The following TXNRD1 variants were observed in gnomAD, a reference collection of about 807,000 sequenced individuals.
The protein encoded by TXNRD1 is thioredoxin reductase 1, also known as thioredoxin reductase 1, cytoplasmic.
TXNRD1 carries 57 observed loss-of-function variants against 80.3 expected under a neutral mutation model. The ratio of observed to expected loss-of-function variants is 0.71; its 90% confidence interval spans 0.57 to 0.89. The LOEUF is 0.89. TXNRD1 is among the 40% of genes least tolerant of loss of function. The pLI, the probability that TXNRD1 is intolerant of heterozygous loss-of-function variation, is 0.00. For missense variants in TXNRD1, 730 were observed against 803.0 expected (o/e 0.91, Z 1.10); for synonymous variants, 291 against 285.2 (o/e 1.02, Z -0.20).
At chr12:104,337,729 T>G (rs985952205) in intron 15 of TXNRD1, among the ~76,000 whole-genome samples, 3 of 151,988 alleles carry the variant, frequency 2.0e-5, no homozygotes, top group African/African-American at 4.8e-5. Flanking sequence ...TTTCAGACTT[T>G]AATGGTCTTG....
chr12:104,252,726 G>A (rs1489777381), intron 2 of TXNRD1, among the ~76,000 whole-genome samples: 3 of 92,166 alleles, frequency 3.3e-5, no homozygotes, highest in African/African-American at 1.4e-4. Flanking sequence ...TTTTTGAGAC[G>A]GAGTCTCGCT....
chr12:104,327,740 C>A, intron 13 of TXNRD1, 69 bp downstream of exon 13: 3 of 1,525,376 alleles, frequency 2.0e-6, no homozygotes, highest in South Asian at 1.3e-5. Context: ...ATTTAGGGGG[C>A]AGTTGGGAAG....
At chr12:104,267,241 C>CTCTTTCTTTCTTTCTTTCTTTTTTTCTT (rs2033516221) in intron 3 of TXNRD1, among the ~76,000 whole-genome samples, 1 of 85,750 alleles carries the variant, frequency 1.2e-5, no homozygotes, top group Non-Finnish European at 2.1e-5. Context: ...ATTTTCTTTT[C>CTCTTTCTTTCTTTCTTTCTTTTTTTCTT]TCTTTCTTTC....
intron 4 of TXNRD1, chr12:104,290,973 G>A (rs1319108824): frequency 4.6e-6 from 3 of 651,552 alleles, no homozygotes; most frequent in Non-Finnish European, 8.2e-6. Context: ...TTTTTTAATT[G>A]AAAACTTTTT....
At chr12:104,280,806 G>GCCTAT (rs1011356886) in intron 3 of TXNRD1, 1 of 151,978 alleles carries the variant, frequency 6.6e-6, no homozygotes, top group Non-Finnish European at 1.5e-5. Flanking sequence ...TGAATTTCCA[G>GCCTAT]CCTATCAGCC....
chr12:104,230,660 G>A (rs1042685344), intron 1 of TXNRD1, among the ~76,000 whole-genome samples: 1 of 152,070 alleles, frequency 6.6e-6, no homozygotes, highest in African/African-American at 2.4e-5. Flanking sequence ...ATTGGGTTTT[G>A]TTTTGTTTTG....
chr12:104,331,371 C>T (rs2035940470), intron 13 of TXNRD1, among the ~76,000 whole-genome samples, 163 bp from the exon 14 acceptor site: 1 of 152,152 alleles, frequency 6.6e-6, no homozygotes, highest in South Asian at 2.1e-4. Context: ...TAATGGTTCT[C>T]AATGTAGTAG....
intron 16 of TXNRD1, among the ~76,000 whole-genome samples, chr12:104,345,830 G>A (rs1477002158): frequency 6.6e-6 from 1 of 152,184 alleles, no homozygotes; most frequent in Non-Finnish European, 1.5e-5. Flanking sequence ...GCGGCTGGAA[G>A]TGGTGGGGAC....
intron 1 of TXNRD1, among the ~76,000 whole-genome samples, chr12:104,235,333 T>TGTTACAGATTGGGAACGGATGTGC (rs1451120554): frequency 6.6e-6 from 1 of 152,156 alleles, no homozygotes; most frequent in Admixed American, 6.5e-5. Context: ...AGATGTGGGT[T>TGTTACAGATTGGGAACGGATGTGC]GTTACAGATT....
intron 1 of TXNRD1, among the ~76,000 whole-genome samples, chr12:104,246,210 G>C (rs2032989886): frequency 6.7e-6 from 1 of 148,270 alleles, no homozygotes; most frequent in South Asian, 2.1e-4. Flanking sequence ...GGTGGATCAT[G>C]AGGTCAGGAG....
At chr12:104,317,334 A>G (rs915304954) in intron 7 of TXNRD1, among the ~76,000 whole-genome samples, 2 of 150,510 alleles carry the variant, frequency 1.3e-5, no homozygotes, top group African/African-American at 2.4e-5. Flanking sequence ...CTGGTCCTCT[A>G]GAACCATAAC....
chr12:104,326,386 A>G lies in TXNRD1; in HGVS notation c.1348A>G (p.Ile450Val), dbSNP rs746739868. 3 of 1,596,198 alleles carry G rather than the reference A, an allele frequency of 1.9e-6. No individual in the cohort carries two copies. Among genetic ancestry groups the G allele is most frequent in the East Asian group, 4.5e-5 (2 of 44,352 alleles). Reference protein sequence around the residue: ...AIGRDACTRKIGLETVGVKIN... With the variant: ...AIGRDACTRKVGLETVGVKIN... ...AGGAAGAGATGCTTGCACAAGAAAA[A>G]TTGGCTTAGAAACCGTAGGGGTGAA... is the stretch of plus-strand genomic sequence containing the variant. The change falls in exon 12 of 17, where the codon ATT (isoleucine) becomes GTT (valine). Residue 450 changes from isoleucine to valine, a missense_variant. Ile to Val is a conservative substitution (Grantham distance 29). Transcript: ENST00000525566.
chr12:104,224,819 T>C (rs950695352), intron 1 of TXNRD1: 2 of 456,590 alleles, frequency 4.4e-6, no homozygotes, highest in African/African-American at 4.0e-5. Flanking sequence ...AACCCAGGAA[T>C]CTCTTTCCCC....
chr12:104,226,861 G>A (rs1004429519), intron 1 of TXNRD1, among the ~76,000 whole-genome samples: 1 of 152,146 alleles, frequency 6.6e-6, no homozygotes, highest in Non-Finnish European at 1.5e-5. Flanking sequence ...TATCTAAGAT[G>A]TGTCTTTTTT....
intron 3 of TXNRD1, among the ~76,000 whole-genome samples, chr12:104,275,350 C>T (rs1406450922): frequency 6.6e-6 from 1 of 151,988 alleles, no homozygotes; most frequent in Non-Finnish European, 1.5e-5. Flanking sequence ...AGAATATATG[C>T]ACTGCGGAAA....
At chr12:104,257,017 T>A (rs1388798656) in intron 2 of TXNRD1, among the ~76,000 whole-genome samples, 2 of 148,374 alleles carry the variant, frequency 1.3e-5, no homozygotes, top group African/African-American at 2.5e-5. Flanking sequence ...TCATTGATCA[T>A]CTCTGTGAAC....
chr12:104,260,159 C>T (rs903816989), intron 3 of TXNRD1, among the ~76,000 whole-genome samples: 5 of 151,968 alleles, frequency 3.3e-5, no homozygotes, highest in Middle Eastern at 3.4e-3. Flanking sequence ...TATGGAGAAA[C>T]CCCGTCTGTA....
intron 3 of TXNRD1, among the ~76,000 whole-genome samples, chr12:104,272,289 G>A (rs1032226131): frequency 5.9e-5 from 9 of 152,078 alleles, no homozygotes; most frequent in Admixed American, 3.3e-4. Flanking sequence ...AGGTTAGATC[G>A]CAAAGGCTAA....
At chr12:104,292,540 T>C (rs1439131729) in intron 4 of TXNRD1, among the ~76,000 whole-genome samples, 3 of 152,096 alleles carry the variant, frequency 2.0e-5, no homozygotes, top group Non-Finnish European at 4.4e-5. Flanking sequence ...ATTATAGGCA[T>C]GCACCACCAT....
Sources: gnomAD v4.1 joint callset for allele counts (sites outside exome capture counted in the v4.1 genomes callset) on GRCh38, gnomAD v4.1.1 for gene constraint, MANE v1.5 for transcripts, NCBI Gene and HGNC (gene_info 2026-07-23, HGNC 2026-07-21) for gene names.